BANP: variants seen among roughly 807,000 people sequenced by gnomAD.
BANP encodes the protein BTG3 associated nuclear protein.
A neutral mutation model predicts 68.1 loss-of-function variants in BANP; 11 were observed. The ratio of observed to expected loss-of-function variants is 0.16; its 90% CI spans 0.10 to 0.27. The LOEUF (loss-of-function observed/expected upper bound fraction) is 0.27, where lower values mean the gene tolerates loss of function less well. BANP is among the 10% of genes least tolerant of loss of function. The probability of loss-of-function intolerance (pLI) is 1.00; values close to 1 mark genes in which losing one functional copy is unlikely to be tolerated. For synonymous variants in BANP, 329 were observed against 303.2 expected (o/e 1.09, Z -0.88); for missense variants, 504 against 722.7 (o/e 0.70, Z 3.47).
intron 4 of BANP, among the ~76,000 whole-genome samples, chr16:87,985,464 C>T (rs1030670670): frequency 1.3e-5 from 2 of 152,054 alleles, no homozygotes; most frequent in African/African-American, 4.8e-5. Context: ...GCTCCCAGGT[C>T]AGGTGTGCAA....
At chr16:87,962,902 T>G (rs2059437494) in intron 1 of BANP, among the ~76,000 whole-genome samples, 1 of 152,238 alleles carries the variant, frequency 6.6e-6, no homozygotes, top group South Asian at 2.1e-4. Flanking sequence ...TGTCTCAGTT[T>G]AATAAAAGTT....
chr16:88,076,099 A>T (rs1387503253), intron 13 of BANP, among the ~76,000 whole-genome samples: 1 of 152,170 alleles, frequency 6.6e-6, no homozygotes, highest in African/African-American at 2.4e-5. Flanking sequence ...AGTCCTTTTA[A>T]TATCTGTAAC....
chr16:87,949,681 A>G (rs1309983906), upstream of BANP: 1 of 152,088 alleles, frequency 6.6e-6, no homozygotes, highest in Admixed American at 6.5e-5. Flanking sequence ...GAGTGTTTGT[A>G]AGGCACTTTT....
intron 8 of BANP, among the ~76,000 whole-genome samples, chr16:88,031,162 T>C (rs2078087253): frequency 1.3e-5 from 2 of 152,240 alleles, no homozygotes. Flanking sequence ...CAGCACTGCC[T>C]GGCGGTGGTT....
chr16:87,958,055 C>A (rs1051565933), intron 1 of BANP, among the ~76,000 whole-genome samples: 1 of 152,168 alleles, frequency 6.6e-6, no homozygotes, highest in African/African-American at 2.4e-5. Context: ...TGTTTCCCAG[C>A]CAACAGTTGT....
At chr16:87,952,975 G>C (rs1408165287) in intron 1 of BANP, among the ~76,000 whole-genome samples, 1 of 152,072 alleles carries the variant, frequency 6.6e-6, no homozygotes, top group Non-Finnish European at 1.5e-5. Flanking sequence ...TCGCCTTGTT[G>C]TCCAGCCTGG....
intron 13 of BANP, among the ~76,000 whole-genome samples, chr16:88,075,385 C>T (rs1316533326): frequency 6.6e-6 from 1 of 152,162 alleles, no homozygotes; most frequent in African/African-American, 2.4e-5. Context: ...CACTGGTGGT[C>T]CCAGCTACTT....
At chr16:88,072,720 G>A (rs1287480559) in intron 13 of BANP, among the ~76,000 whole-genome samples, 1 of 152,242 alleles carries the variant, frequency 6.6e-6, no homozygotes, top group African/African-American at 2.4e-5. Context: ...GCCCCCGAGG[G>A]TGAGGCCGTG....
rs752824457 is a variant in BANP at position 87,975,172 on chromosome 16, C to T, written c.57C>T (p.Ser19=). 5.5e-5 allele frequency: 88 copies of T among 1,613,984 alleles called. No individual in the cohort carries two copies. The highest frequency in any genetic ancestry group is 6.9e-5 in the Non-Finnish European group (81 of 1,179,988). The change falls in exon 2 of 14, where the codon AGC becomes AGT. Residue 19 remains serine, a synonymous_variant. Transcript: ENST00000682872. ...TTCAGATTGCAGTGGAAGACCTGAG[C>T]CCTGACCACCCAGGTACAGAGCTGT... ...DVVQIAVEDL[S]PDHPVVLENH...
chr16:87,959,013 G>A (rs1395052571), intron 1 of BANP, among the ~76,000 whole-genome samples: 3 of 152,338 alleles, frequency 2.0e-5, no homozygotes, highest in Middle Eastern at 3.4e-3. Flanking sequence ...ATGTTGGCAC[G>A]TACACTGGGG....
In BANP at chr16:88,006,887, G is replaced by A. The variant is rs192292439; in HGVS notation, c.655+622G>A. Reference sequence around the variant, plus strand: ...GAATTGCTTGAACCTGGGTGGCAGAGGTTGCAGTGAGCTGAGATCGCACCA... The same window carrying A: ...GAATTGCTTGAACCTGGGTGGCAGAAGTTGCAGTGAGCTGAGATCGCACCA... On this transcript the variant is annotated intron_variant, in intron 6 of 13. Coordinates refer to ENST00000682872, the MANE Select transcript of BANP (RefSeq NM_001386991.1). Among the ~76,000 whole-genome samples, 4 of 150,010 alleles carry A rather than the reference G, an allele frequency of 2.7e-5. No individual in the cohort carries two copies. The East Asian group carries it at 7.8e-4, about 29-fold the overall frequency.
intron 4 of BANP, among the ~76,000 whole-genome samples, chr16:87,987,276 G>T (rs550668220): frequency 2.0e-5 from 3 of 152,078 alleles, no homozygotes; most frequent in Admixed American, 6.5e-5. Context: ...ACAGGGTTTC[G>T]CCACATTAGC....
intron 12 of BANP, among the ~76,000 whole-genome samples, chr16:88,067,983 G>A (rs1055945272): frequency 1.3e-5 from 2 of 152,042 alleles, no homozygotes; most frequent in African/African-American, 4.8e-5. Context: ...TCCCCCCACT[G>A]TCTGCCTCCT....
intron 7 of BANP, among the ~76,000 whole-genome samples, chr16:88,024,714 T>C (rs780394196): frequency 6.6e-6 from 1 of 152,230 alleles, no homozygotes; most frequent in Non-Finnish European, 1.5e-5. Flanking sequence ...GGATCTCCTT[T>C]GTGGCCGGCA....
In BANP at chr16:88,018,111, G is replaced by A. The variant is rs566172689; in HGVS notation, c.656-317G>A. Among the ~76,000 whole-genome samples, 13 of 152,198 alleles carry A rather than the reference G, an allele frequency of 8.5e-5. No homozygotes were observed. The East Asian group carries it at 2.1e-3, about 25-fold the overall frequency. On this transcript the variant is annotated intron_variant, in intron 6 of 13. Coordinates refer to ENST00000682872, the MANE Select transcript of BANP (RefSeq NM_001386991.1). The surrounding 1 kb of genome is among the most constrained non-coding windows in gnomAD (Gnocchi z 7.7). The stretch of plus-strand genomic sequence containing the variant: ...GGTACCAACTGTGTGCAAGGATATC[G>A]GTATTGCTGGGGTCCCGGGTCCAGG...
At chr16:88,029,672 A>T (rs1462754992) in intron 8 of BANP, among the ~76,000 whole-genome samples, 1 of 151,970 alleles carries the variant, frequency 6.6e-6, no homozygotes, top group East Asian at 1.9e-4. Context: ...CAGGAACCAG[A>T]TTGAATTCTC....
At chr16:87,979,385 G>A (rs905522115) in intron 2 of BANP, among the ~76,000 whole-genome samples, 1 of 152,164 alleles carries the variant, frequency 6.6e-6, no homozygotes, top group African/African-American at 2.4e-5. Context: ...TCTGCTGTGG[G>A]GTGGGTGCTG....
At chr16:88,023,854 G>C (rs1293186751) in intron 7 of BANP, among the ~76,000 whole-genome samples, 1 of 152,236 alleles carries the variant, frequency 6.6e-6, no homozygotes, top group East Asian at 1.9e-4. Context: ...ACTGTGGCAG[G>C]GATGCTGCCT....
chr16:87,964,416 C>T (rs951719994), intron 1 of BANP, among the ~76,000 whole-genome samples: 2 of 152,202 alleles, frequency 1.3e-5, no homozygotes, highest in South Asian at 2.1e-4. Context: ...CTGCTGTGCA[C>T]GTCACCGTTG....
Sources: gnomAD v4.1 joint callset for allele counts (sites outside exome capture counted in the v4.1 genomes callset) on GRCh38, gnomAD v4.1.1 for gene constraint, Gnocchi (gnomAD v3.1) non-coding constraint, MANE v1.5 for transcripts, NCBI Gene and HGNC (gene_info 2026-07-23, HGNC 2026-07-21) for gene names.